The following FRY variants were observed in gnomAD, a reference collection of about 807,000 sequenced individuals.
The protein encoded by FRY is protein furry homolog.
A neutral mutation model predicts 348.4 loss-of-function variants in FRY; 128 were observed. The observed-to-expected ratio is 0.37, with a 90% CI of 0.32 to 0.43. The LOEUF (loss-of-function observed/expected upper bound fraction) is 0.43, where lower values mean the gene tolerates loss of function less well. FRY is among the 20% of genes least tolerant of loss of function. FRY has a pLI of 1.00. For synonymous variants in FRY, 1,370 were observed against 1,374.7 expected (o/e 1.00, Z 0.08); for missense variants, 2,736 against 3,695.2 (o/e 0.74, Z 6.73).
intron 36 of FRY, among the ~76,000 whole-genome samples, chr13:32,223,398 A>T (rs1052070700): frequency 6.6e-6 from 1 of 152,162 alleles, no homozygotes; most frequent in Non-Finnish European, 1.5e-5. Context: ...TAAATTAGTT[A>T]CCAAGTAATA....
chr13:32,073,543 G>A (rs971210434), intron 1 of FRY, among the ~76,000 whole-genome samples: 3 of 151,664 alleles, frequency 2.0e-5, no homozygotes, highest in African/African-American at 4.9e-5. Context: ...GTATGTGGGC[G>A]GGTGTGTGTG....
At chr13:32,075,673 G>A (rs1343450717) in intron 1 of FRY, among the ~76,000 whole-genome samples, 2 of 152,176 alleles carry the variant, frequency 1.3e-5, no homozygotes, top group Non-Finnish European at 2.9e-5. Context: ...CTCAAGTATT[G>A]AAAGGTGCCA....
At chr13:32,273,474 G>A (rs1169210038) in intron 55 of FRY, among the ~76,000 whole-genome samples, 1 of 151,934 alleles carries the variant, frequency 6.6e-6, no homozygotes, top group Non-Finnish European at 1.5e-5. Flanking sequence ...CACCCGCCTC[G>A]GCCTCCCAAA....
At chr13:32,052,795 T>A (rs1338156515) in intron 1 of FRY, among the ~76,000 whole-genome samples, 4 of 152,238 alleles carry the variant, frequency 2.6e-5, no homozygotes, top group African/African-American at 9.6e-5. Context: ...AAGTTTGAAT[T>A]TAAATTAATT....
At chr13:32,075,159 G>A (rs1448934425) in intron 1 of FRY, among the ~76,000 whole-genome samples, 2 of 152,222 alleles carry the variant, frequency 1.3e-5, no homozygotes, top group African/African-American at 4.8e-5. Context: ...TAAATTCTTA[G>A]AGGCAGCAAA....
At chr13:32,059,149 T>C (rs1873791439) in intron 1 of FRY, among the ~76,000 whole-genome samples, 1 of 152,016 alleles carries the variant, frequency 6.6e-6, no homozygotes, top group African/African-American at 2.4e-5. Context: ...TTAGTATCTA[T>C]AAAAAGTAGG....
intron 51 of FRY, among the ~76,000 whole-genome samples, chr13:32,256,197 C>G (rs1193296735): frequency 6.6e-6 from 1 of 151,994 alleles, no homozygotes. Flanking sequence ...CCAGCAATAA[C>G]TAAAAAATCA....
chr13:32,159,772 G>T (rs1389609896), intron 16 of FRY, among the ~76,000 whole-genome samples: 1 of 152,132 alleles, frequency 6.6e-6, no homozygotes, highest in Non-Finnish European at 1.5e-5. Context: ...CAAACTAGTA[G>T]AACTGTTTAA....
chr13:32,178,004 G>A (rs940679342), intron 20 of FRY, among the ~76,000 whole-genome samples, 173 bp from the exon 21 acceptor site: 2 of 152,162 alleles, frequency 1.3e-5, no homozygotes, highest in Admixed American at 6.5e-5. Context: ...GAAGACTGAT[G>A]ACCACACACC....
intron 18 of FRY, among the ~76,000 whole-genome samples, chr13:32,172,186 G>A (rs1199584772): frequency 1.3e-5 from 2 of 151,992 alleles, no homozygotes; most frequent in Admixed American, 6.6e-5. Context: ...GTGGGTGTGG[G>A]TGTGGATGTA....
In FRY at chr13:32,178,167, A is replaced by G; in HGVS notation, c.2422-10A>G. On this transcript the variant is annotated splice_polypyrimidine_tract_variant and intron_variant, in intron 20 of 60. Coordinates refer to ENST00000542859, the MANE Select transcript of FRY (RefSeq NM_023037.3). ...GGGTTTAACTTACAACCTACCTCTT[A>G]TACCTACAGGCAACATTACCACTCA... 6.2e-7 allele frequency: 1 copy of G among 1,614,172 alleles called. No individual in the cohort carries two copies. The highest frequency in any genetic ancestry group is 8.5e-7 in the Non-Finnish European group (1 of 1,179,974).
chr13:32,275,013 T>C lies in FRY; in HGVS notation c.8286+22T>C, dbSNP rs769082414. 8 of 1,609,186 alleles carry C rather than the reference T, an allele frequency of 5.0e-6. No individual in the cohort carries two copies. In the East Asian group the frequency reaches 1.8e-4, roughly 36 times the overall value. ...GACTGTGAGTATCCCAGTCCTGCTCTGACAGTGAAGGGCCTACGCAACCTA... is the reference window on the plus strand; with the variant it reads ...GACTGTGAGTATCCCAGTCCTGCTCCGACAGTGAAGGGCCTACGCAACCTA... On this transcript the variant is annotated intron_variant, in intron 56 of 60. Transcript: ENST00000542859.
intron 47 of FRY, among the ~76,000 whole-genome samples, chr13:32,246,482 G>C (rs1566165214): frequency 6.6e-6 from 1 of 152,260 alleles, no homozygotes; most frequent in Non-Finnish European, 1.5e-5. Context: ...AAGGCACAGA[G>C]GCTGAGAGGG....
At chr13:32,053,013 T>C (rs1456783380) in intron 1 of FRY, among the ~76,000 whole-genome samples, 1 of 151,712 alleles carries the variant, frequency 6.6e-6, no homozygotes, top group Non-Finnish European at 1.5e-5. Flanking sequence ...CTCGGGAGGC[T>C]GAGGCAGGAG....
chr13:32,039,438 G>T (rs567973134), intron 1 of FRY, among the ~76,000 whole-genome samples: 7 of 151,994 alleles, frequency 4.6e-5, no homozygotes, highest in Admixed American at 6.6e-5. Flanking sequence ...ACAGAGAAGG[G>T]CTATGTCTGT....
At chr13:32,203,041 T>A (rs373165520) in intron 31 of FRY, among the ~76,000 whole-genome samples, 2 of 152,152 alleles carry the variant, frequency 1.3e-5, no homozygotes, top group East Asian at 3.9e-4. Context: ...TGAAAGTAAA[T>A]TCTATAATTG....
At chr13:32,080,090 C>A (rs1173024576) in intron 2 of FRY, among the ~76,000 whole-genome samples, 2 of 152,180 alleles carry the variant, frequency 1.3e-5, no homozygotes, top group South Asian at 4.1e-4. Flanking sequence ...CTGAAAGTTA[C>A]AAACTTTGCA....
chr13:32,205,152 G>A (rs1884278575), intron 31 of FRY, among the ~76,000 whole-genome samples: 1 of 142,354 alleles, frequency 7.0e-6, no homozygotes, highest in Non-Finnish European at 1.5e-5. Context: ...GCAGTTAGCC[G>A]AGATTGTGCT....
chr13:32,059,579 C>T (rs193062674), intron 1 of FRY, among the ~76,000 whole-genome samples: 7 of 151,512 alleles, frequency 4.6e-5, no homozygotes, highest in East Asian at 3.9e-4. Flanking sequence ...GTGCACGTGC[C>T]GTTGTGTTAC....
Sources: allele counts gnomAD v4.1 joint callset (sites outside exome capture counted in the v4.1 genomes callset), GRCh38; gene constraint gnomAD v4.1.1; transcripts MANE v1.5; gene names NCBI Gene and HGNC (gene_info 2026-07-23, HGNC 2026-07-21).